Variants in DPP10 observed in about 807,000 individuals in gnomAD.
DPP10 encodes inactive dipeptidyl peptidase 10.
In DPP10, 33 loss-of-function variants were observed where a neutral mutation model predicts 120.9. The observed-to-expected ratio is 0.27, with a 90% CI of 0.21 to 0.37. The LOEUF is 0.37. Among genes scored for constraint, DPP10 ranks in the 10% least tolerant of loss-of-function variants. The pLI is 1.00. For synonymous variants in DPP10, 337 were observed against 326.1 expected, an observed-to-expected ratio of 1.03 and a Z score of -0.36; for missense variants, 816 against 942.8, an observed-to-expected ratio of 0.87 and a Z score of 1.76.
Position 114,715,172 on chromosome 2 carries a change from T to G in DPP10, c.60+272334T>G, listed in dbSNP as rs537250634. ...ATGAAAGGATGACAAGAGGCCCTGATCCCACTTGAAATTAAGACAGTAATT... is the reference window on the plus strand; with the variant it reads ...ATGAAAGGATGACAAGAGGCCCTGAGCCCACTTGAAATTAAGACAGTAATT... On this transcript the variant is annotated intron_variant, in intron 1 of 25. Transcript: ENST00000410059. 3.9e-5 allele frequency among the ~76,000 whole-genome samples: 6 copies of G among 152,266 alleles called. No homozygotes were observed. The South Asian group carries it at 1.2e-3, about 32-fold the overall frequency.
rs1342125338 is a variant in DPP10 at position 114,532,296 on chromosome 2, T to TATATACAC, written c.60+89459_60+89460insTATACACA. ...ATATATATATATATATATATATATA[T>TATATACAC]ACACACACACACACACACACAGATA... On this transcript the variant is annotated intron_variant, in intron 1 of 25. Coordinates refer to ENST00000410059, the MANE Select transcript of DPP10 (RefSeq NM_020868.6). 8.2e-3 allele frequency among the ~76,000 whole-genome samples: 611 copies of TATATACAC among 74,090 alleles called. 6 individuals are homozygous for TATATACAC. The highest frequency in any genetic ancestry group is 0.011 in the Non-Finnish European group (448 of 39,354). The allele number at this position is 74,090 out of a possible 152,430, so 48.6% of individuals were successfully genotyped here. A position where few individuals can be genotyped will look rare whatever the true frequency, so the allele number is the denominator to read the frequency against.
chr2:114,769,214 T>G (rs1033235574), intron 1 of DPP10, among the ~76,000 whole-genome samples: 2 of 152,152 alleles, frequency 1.3e-5, no homozygotes, highest in South Asian at 2.1e-4. Context: ...ATCAGAATAC[T>G]TGGCTTGGAT....
In DPP10 at chr2:115,839,623, G is replaced by A. The variant is rs183080457; in HGVS notation, c.2183-1127G>A. Among the ~76,000 whole-genome samples, 197 of 143,722 alleles carry A rather than the reference G, an allele frequency of 1.4e-3. 2 individuals are homozygous for A. Among genetic ancestry groups the A allele is most frequent in the South Asian group, 8.3e-3 (37 of 4,478 alleles). The allele number at this position is 143,722 out of a possible 152,430, so 94.3% of individuals were successfully genotyped here. A position where few individuals can be genotyped will look rare whatever the true frequency, so the allele number is the denominator to read the frequency against. On this transcript the variant is annotated intron_variant, in intron 24 of 25. Transcript: ENST00000410059. Reference sequence around the variant, plus strand: ...TGGGAGGCAGAGGTTGCAGTGAGCCGAGATCGTACCACTGCACTCCAGCCT... The same window carrying A: ...TGGGAGGCAGAGGTTGCAGTGAGCCAAGATCGTACCACTGCACTCCAGCCT...
chr2:115,791,599 T>G (rs778439614), intron 19 of DPP10, among the ~76,000 whole-genome samples: 24 of 152,210 alleles, frequency 1.6e-4, no homozygotes, highest in Non-Finnish European at 2.9e-4. Flanking sequence ...ATAGTGACAC[T>G]AAATAGTTTG....
At chr2:115,665,135 C>T (rs1021919113) in intron 5 of DPP10, among the ~76,000 whole-genome samples, 2 of 152,116 alleles carry the variant, frequency 1.3e-5, no homozygotes, top group African/African-American at 2.4e-5. Context: ...AGGTCTCATT[C>T]CCATACTGAA....
chr2:115,554,073 C>T (rs1205659150), intron 5 of DPP10, among the ~76,000 whole-genome samples: 2 of 150,642 alleles, frequency 1.3e-5, no homozygotes, highest in Non-Finnish European at 3.0e-5. Context: ...GGCCCATAAT[C>T]ACTGAAAAAC....
chr2:115,320,645 A>G (rs563363507), intron 2 of DPP10, among the ~76,000 whole-genome samples: 12 of 152,194 alleles, frequency 7.9e-5, no homozygotes, highest in African/African-American at 2.9e-4. Context: ...GTCACAAATT[A>G]CATCTATATA....
intron 1 of DPP10, among the ~76,000 whole-genome samples, chr2:114,657,737 T>A (rs1697071697): frequency 6.6e-6 from 1 of 152,172 alleles, no homozygotes; most frequent in Non-Finnish European, 1.5e-5. Context: ...AAAAAATTGG[T>A]TAAGCTTCTT....
chr2:114,459,833 G>A (rs980351074), intron 1 of DPP10, among the ~76,000 whole-genome samples: 1 of 152,074 alleles, frequency 6.6e-6, no homozygotes, highest in Admixed American at 6.6e-5. Context: ...TTCTTGAGTA[G>A]TAGTAAAGAG....
In DPP10 at chr2:114,937,269, G is replaced by A. The variant is rs189205099; in HGVS notation, c.61-371970G>A. 1.5e-3 allele frequency among the ~76,000 whole-genome samples: 235 copies of A among 152,226 alleles called. 1 individual carries two copies. Among genetic ancestry groups the A allele is most frequent in the African/African-American group, 5.4e-3 (226 of 41,552 alleles). ...CAACTTGAGTTGATTTTTGTATAAG[G>A]TGAGAGATGAGGATCCAGTTTCGTT... is the stretch of plus-strand genomic sequence containing the variant. On this transcript the variant is annotated intron_variant, in intron 1 of 25. Coordinates refer to ENST00000410059, the MANE Select transcript of DPP10 (RefSeq NM_020868.6).
intron 3 of DPP10, among the ~76,000 whole-genome samples, chr2:115,489,509 A>G (rs1230914693): frequency 2.0e-5 from 3 of 152,036 alleles, no homozygotes; most frequent in Non-Finnish European, 4.4e-5. Flanking sequence ...GATCACAAGA[A>G]TAACAAAACA....
intron 3 of DPP10, among the ~76,000 whole-genome samples, chr2:115,490,616 G>A (rs1357859775): frequency 1.3e-5 from 2 of 152,016 alleles, no homozygotes; most frequent in East Asian, 3.9e-4. Flanking sequence ...ACTAATATTG[G>A]CTCAGAATAA....
At chr2:115,257,721 C>T (rs1029828471) in intron 1 of DPP10, among the ~76,000 whole-genome samples, 7 of 152,132 alleles carry the variant, frequency 4.6e-5, no homozygotes, top group Non-Finnish European at 8.8e-5. Context: ...CCCTTAGTTT[C>T]AGATGTTGAG....
At chr2:115,578,233 C>T (rs1036831948) in intron 5 of DPP10, among the ~76,000 whole-genome samples, 3 of 152,126 alleles carry the variant, frequency 2.0e-5, no homozygotes, top group African/African-American at 7.2e-5. Context: ...AGTATAATCT[C>T]ATTTTTTGTG....
chr2:115,383,800 A>G (rs2066628531), intron 3 of DPP10, among the ~76,000 whole-genome samples: 1 of 152,170 alleles, frequency 6.6e-6, no homozygotes, highest in Admixed American at 6.5e-5. Context: ...AAAATAGATT[A>G]CTCTTTCTTT....
intron 1 of DPP10, among the ~76,000 whole-genome samples, chr2:114,856,027 A>T (rs1410986843): frequency 1.3e-5 from 2 of 152,032 alleles, no homozygotes; most frequent in Admixed American, 6.5e-5. Flanking sequence ...TATATTTTTT[A>T]AAATTTAATA....
At chr2:114,778,372 CA>C (rs1681952556) in intron 1 of DPP10, among the ~76,000 whole-genome samples, 1 of 152,118 alleles carries the variant, frequency 6.6e-6, no homozygotes, top group Non-Finnish European at 1.5e-5. Context: ...TCATATGTAT[CA>C]TATTCAAAAA....
intron 5 of DPP10, among the ~76,000 whole-genome samples, chr2:115,605,528 G>A (rs755086608): frequency 6.6e-6 from 1 of 151,948 alleles, no homozygotes; most frequent in Non-Finnish European, 1.5e-5. Flanking sequence ...GGAAGTACTC[G>A]GCATTTGATC....
chr2:114,716,117 A>G (rs1479221216), intron 1 of DPP10, among the ~76,000 whole-genome samples: 1 of 152,082 alleles, frequency 6.6e-6, no homozygotes. Context: ...TGGCCTCCCA[A>G]ATATTTAGGA....
Sources: allele counts gnomAD v4.1 joint callset (sites outside exome capture counted in the v4.1 genomes callset), GRCh38; gene constraint gnomAD v4.1.1; transcripts MANE v1.5; gene names NCBI Gene and HGNC (gene_info 2026-07-23, HGNC 2026-07-21).